The following FAM149A variants were observed in gnomAD, a reference collection of about 807,000 sequenced individuals.
FAM149A encodes family with sequence similarity 149 member A.
Under a neutral mutation model 78.2 loss-of-function variants are expected in FAM149A, and 71 were observed. That is an observed-to-expected ratio of 0.91 (90% CI 0.75 to 1.11). FAM149A has a LOEUF of 1.11. FAM149A is among the 50% of genes least tolerant of loss of function. The pLI is 0.00. For synonymous variants in FAM149A, 446 were observed against 410.5 expected (o/e 1.09, Z -1.04); for missense variants, 1,036 against 971.0 (o/e 1.07, Z -0.89).
At chr4:186,146,034 A>G (rs1306643193) in intron 1 of FAM149A, among the ~76,000 whole-genome samples, 1 of 152,108 alleles carries the variant, frequency 6.6e-6, no homozygotes, top group African/African-American at 2.4e-5. Flanking sequence ...GGGATTTTGT[A>G]GGCTCTGCTG....
At chr4:186,110,054 G>A in intron 1 of FAM149A, 1 of 985,372 alleles carries the variant, frequency 1.0e-6, no homozygotes, top group Non-Finnish European at 1.2e-6. Flanking sequence ...CTGAAACCCT[G>A]TGATTTATAT....
At position 186,104,941 on chromosome 4, in the gene FAM149A, G is replaced by T. The variant is rs887936931; in HGVS notation, c.-136G>T. On this transcript the variant is annotated 5_prime_UTR_variant, in exon 1 of 14. Transcript: ENST00000389354. ...CGCGGAGCTGAGCGTCCTCGGGGAG[G>T]AGAGGGAGCCAGGGGCCTCCGGGGC... 1 of 1,154,150 alleles carries T rather than the reference G, an allele frequency of 8.7e-7. No individual in the cohort carries two copies. The highest frequency in any genetic ancestry group is 1.7e-5 in the African/African-American group (1 of 58,344). 71.5% of individuals were successfully genotyped at this position (1,154,150 alleles called of 1,614,324 possible).
chr4:186,155,802 A>G (rs76660874), intron 6 of FAM149A, among the ~76,000 whole-genome samples, 198 bp from the exon 7 acceptor site: 3,696 of 152,268 alleles, frequency 0.024, 143 homozygotes, highest in African/African-American at 0.085. Context: ...AGAAAGATCA[A>G]TGAAACCAGG....
intron 1 of FAM149A, chr4:186,125,895 C>G: frequency 1.0e-6 from 1 of 985,328 alleles, no homozygotes; most frequent in South Asian, 4.7e-5. Context: ...ACGAGTGTGG[C>G]ACCCTCTCTG....
In FAM149A at chr4:186,123,600, G is replaced by A. The variant is rs76613144; in HGVS notation, c.566+17958G>A. On this transcript the variant is annotated intron_variant, in intron 1 of 13. Transcript: ENST00000389354. ...GCAAGCTCGGTGTTTTTTGTGACAC[G>A]ACCCACTGCAGGATCAAGGACCAAA... is the stretch of plus-strand genomic sequence containing the variant. Among the ~76,000 whole-genome samples, 252 of 152,280 alleles carry A rather than the reference G, an allele frequency of 1.7e-3. 1 individual carries two copies. The highest frequency in any genetic ancestry group is 2.5e-3 in the Non-Finnish European group (172 of 68,020).
chr4:186,144,728 C>CCGGGGCG lies in FAM149A; in HGVS notation c.567-4439_567-4438insGCGGGGC, dbSNP rs761983457. On this transcript the variant is annotated intron_variant, in intron 1 of 13. Transcript: ENST00000389354. This position sits in a 1 kb window ranked among gnomAD's most constrained non-coding sequence, Gnocchi z 4.2. Reference sequence around the variant, plus strand: ...CGCTTTCCCGGAGGTCGGCGCGGGGCCGGGGCCGGGGCCGGGGCCCGGAGC... The same window carrying CCGGGGCG: ...CGCTTTCCCGGAGGTCGGCGCGGGGCCGGGGCGCGGGGCCGGGGCCGGGGCCCGGAGC... 2.7e-5 allele frequency: 7 copies of CCGGGGCG among 255,094 alleles called. No individual in the cohort carries two copies. Among genetic ancestry groups the CCGGGGCG allele is most frequent in the Non-Finnish European group, 3.3e-5 (7 of 210,972 alleles). 15.8% of individuals were successfully genotyped at this position (255,094 alleles called of 1,614,324 possible). A position where few individuals can be genotyped will look rare whatever the true frequency, so the allele number is the denominator to read the frequency against.
Position 186,104,874 on chromosome 4 carries a change from C to T in FAM149A, c.-203C>T, listed in dbSNP as rs10029755. ...GGGGCTGCTCTCCGCAGCCGGGGCGCTCGGCGGACGGACCCGGGCCGGGGA... is the reference window on the plus strand; with the variant it reads ...GGGGCTGCTCTCCGCAGCCGGGGCGTTCGGCGGACGGACCCGGGCCGGGGA... On this transcript the variant is annotated 5_prime_UTR_variant, in exon 1 of 14. Transcript: ENST00000389354. 266,018 of 807,320 alleles carry T rather than the reference C, an allele frequency of 0.33. 44,702 individuals carry two copies. Among genetic ancestry groups the T allele is most frequent in the Non-Finnish European group, 0.34 (225,418 of 667,474 alleles). The allele number at this position is 807,320 out of a possible 1,614,324, so 50.0% of individuals were successfully genotyped here.
At chr4:186,168,691 G>T (rs1200297331) in intron 13 of FAM149A, among the ~76,000 whole-genome samples, 1 of 152,334 alleles carries the variant, frequency 6.6e-6, no homozygotes, top group Middle Eastern at 3.4e-3. Context: ...AGGTGCTTGG[G>T]GGGAAGTAGG....
chr4:186,123,768 A>G (rs889865618), intron 1 of FAM149A: 3 of 902,902 alleles, frequency 3.3e-6, no homozygotes, highest in African/African-American at 3.6e-5. Flanking sequence ...AATTGTGACA[A>G]ACTAATGTGC....
intron 9 of FAM149A, 131 bp downstream of exon 9, chr4:186,163,079 C>T (rs542489965): frequency 2.0e-5 from 13 of 652,772 alleles, no homozygotes; most frequent in African/African-American, 1.5e-4. Context: ...TGCCTGAGCA[C>T]GTCTGGAAGA....
chr4:186,147,689 TTGATG>T (rs1733167171), intron 1 of FAM149A, among the ~76,000 whole-genome samples: 2 of 151,992 alleles, frequency 1.3e-5, no homozygotes, highest in African/African-American at 4.8e-5. Flanking sequence ...ACAAATCTAT[TTGATG>T]TAACTTTTAG....
intron 1 of FAM149A, chr4:186,125,193 GCATCT>G: frequency 1.1e-6 from 1 of 903,880 alleles, no homozygotes. Context: ...CTTGCTGTTG[GCATCT>G]CACAAACCTT....
intron 1 of FAM149A, among the ~76,000 whole-genome samples, chr4:186,148,440 T>C (rs1379001701): frequency 6.6e-6 from 1 of 152,240 alleles, no homozygotes; most frequent in Non-Finnish European, 1.5e-5. Flanking sequence ...ATAAGATTTC[T>C]ATTGAAGAAC....
In FAM149A at chr4:186,167,051, C is replaced by T. The variant is rs780081059; in HGVS notation, c.2094C>T (p.Ala698=). ...GATCGCGTCTTCGAGAAAGAACAGC[C>T]ACCCTGGAACGGTTGTCAAGGCCCA... is the stretch of plus-strand genomic sequence containing the variant. The change falls in exon 12 of 14, where the codon GCC becomes GCT. Residue 698 remains alanine, a synonymous_variant. Transcript: ENST00000389354. 2.5e-6 allele frequency: 4 copies of T among 1,614,176 alleles called. No homozygotes were observed. In the Admixed American group the frequency reaches 6.7e-5, roughly 27 times the overall value.
At chr4:186,140,318 G>A (rs1236279259) in intron 1 of FAM149A, among the ~76,000 whole-genome samples, 2 of 151,942 alleles carry the variant, frequency 1.3e-5, no homozygotes, top group Admixed American at 1.3e-4. Flanking sequence ...TATTTTTTGA[G>A]ACAGTGTCTT....
chr4:186,160,333 C>A (rs1238993261), intron 8 of FAM149A, among the ~76,000 whole-genome samples: 12 of 143,216 alleles, frequency 8.4e-5, no homozygotes, highest in African/African-American at 3.1e-4. Flanking sequence ...AAACACACAC[C>A]ACACACAAAC....
chr4:186,126,827 G>A (rs1469176885), intron 1 of FAM149A: 3 of 933,030 alleles, frequency 3.2e-6, no homozygotes, highest in Non-Finnish European at 3.8e-6. Flanking sequence ...CCTGGTGTAT[G>A]TCTCTGTATC....
chr4:186,152,705 C>T (rs945704483), intron 4 of FAM149A, among the ~76,000 whole-genome samples: 3 of 151,792 alleles, frequency 2.0e-5, no homozygotes, highest in South Asian at 2.1e-4. Flanking sequence ...CCACCACGCC[C>T]GGCTAATTTT....
In FAM149A at chr4:186,156,129, G is replaced by C. The variant is rs1440057622; in HGVS notation, c.1359G>C (p.Trp453Cys). The C allele has an allele frequency of 3.7e-6, 6 of 1,613,776 alleles. No individual in the cohort carries two copies. The highest frequency in any genetic ancestry group is 5.1e-6 in the Non-Finnish European group (6 of 1,179,918). The change falls in exon 7 of 14, where the codon TGG (tryptophan) becomes TGC (cysteine). Residue 453 changes from tryptophan (W) to cysteine (C), a missense_variant. This residue lies in a region of FAM149A where 716 missense variants were observed against 711.8 expected (regional missense o/e 1.01). Transcript: ENST00000389354. ...CAGCAGAAGTGTTTGATCACGTCTGGACAAATATGGTAGAACTTTTGGAAG... is the reference window on the plus strand; with the variant it reads ...CAGCAGAAGTGTTTGATCACGTCTGCACAAATATGGTAGAACTTTTGGAAG...
Sources: allele counts gnomAD v4.1 joint callset (sites outside exome capture counted in the v4.1 genomes callset), GRCh38; gene constraint gnomAD v4.1.1; regional missense constraint gnomAD v4.1.1; non-coding constraint Gnocchi (gnomAD v3.1); transcripts MANE v1.5; gene names NCBI Gene and HGNC (gene_info 2026-07-23, HGNC 2026-07-21).